Variants in RADIL observed in about 807,000 individuals in gnomAD.
RADIL encodes Rap associating with DIL domain.
RADIL carries 99 observed loss-of-function variants against 97.6 expected under a neutral mutation model. That is an observed-to-expected ratio of 1.01 (90% CI 0.86 to 1.20). The LOEUF (loss-of-function observed/expected upper bound fraction) is 1.20, where lower values mean the gene tolerates loss of function less well. RADIL is among the 50% of genes most tolerant of loss of function. The probability of loss-of-function intolerance (pLI) is 0.00; values close to 1 mark genes in which losing one functional copy is unlikely to be tolerated. For missense variants in RADIL, 1,765 were observed against 1,498.9 expected (o/e 1.18, Z -2.93); for synonymous variants, 803 against 691.8 (o/e 1.16, Z -2.52).
At chr7:4,852,211 G>A (rs1364823609) in intron 2 of RADIL, among the ~76,000 whole-genome samples, 1 of 152,282 alleles carries the variant, frequency 6.6e-6, no homozygotes, top group Middle Eastern at 3.4e-3. Flanking sequence ...GAAGGGGGTG[G>A]CTACAGACAG....
chr7:4,843,265 G>A (rs190496570), intron 2 of RADIL, among the ~76,000 whole-genome samples: 2,256 of 151,500 alleles, frequency 0.015, 31 homozygotes, highest in South Asian at 0.025. Flanking sequence ...CGCCTGCCTC[G>A]GCCTGCCAAA....
chr7:4,873,331 G>A lies in RADIL; in HGVS notation c.535+4274C>T, dbSNP rs945350293. Among the ~76,000 whole-genome samples, 2 of 152,156 alleles carry A rather than the reference G, an allele frequency of 1.3e-5. No individual in the cohort carries two copies. Among genetic ancestry groups the A allele is most frequent in the African/African-American group, 2.4e-5 (1 of 41,432 alleles). ...TGGACTCGTTAACACAAACGTACAT[G>A]GTCACACATGCATGCACACACATGC... On this transcript the variant is annotated intron_variant, in intron 2 of 14. Transcript: ENST00000399583. This position sits in a 1 kb window ranked among gnomAD's most constrained non-coding sequence, Gnocchi z 4.3.
rs569021080 is a variant in RADIL at position 4,798,090 on chromosome 7, TTATA to T, written c.*1284_*1287del. 1 of 147,954 alleles carries T rather than the reference TTATA, an allele frequency of 6.8e-6. No homozygotes were observed. The highest frequency in any genetic ancestry group is 1.9e-4 in the East Asian group (1 of 5,158). The allele number at this position is 147,954 out of a possible 1,614,324, so 9.2% of individuals were successfully genotyped here. ...AATATATTCATATATAATTATATAT[TTATA>T]TATATTCATATATTTTACATATCTT... On this transcript the variant is annotated 3_prime_UTR_variant, in exon 15 of 15. Coordinates refer to ENST00000399583, the MANE Select transcript of RADIL (RefSeq NM_018059.5).
At chr7:4,841,726 A>G (rs531180893) in intron 2 of RADIL, among the ~76,000 whole-genome samples, 15 of 152,118 alleles carry the variant, frequency 9.9e-5, no homozygotes, top group Non-Finnish European at 7.4e-5. Context: ...CTGCTAATAC[A>G]TGGGGTCCCA....
Position 4,815,298 on chromosome 7 carries a change from G to A in RADIL, c.2119C>T (p.Pro707Ser). Residue 707 changes from proline to serine, a missense_variant, in exon 9 of 15, where the codon CCC becomes TCC. Pro to Ser is a moderately conservative substitution (Grantham distance 74). Coordinates refer to ENST00000399583, the MANE Select transcript of RADIL (RefSeq NM_018059.5). The surrounding 1 kb of genome is among the most constrained non-coding windows in gnomAD (Gnocchi z 8.0). ...CCTACCTGGATGAGCTGGGCCCTGGGTGTGGCCAGCAGGTTGAGGGTGCAG... is the reference window on the plus strand; with the variant it reads ...CCTACCTGGATGAGCTGGGCCCTGGATGTGGCCAGCAGGTTGAGGGTGCAG... ...LSCTLNLLAT[P>S]RAQLIQMSWT... The A allele has an allele frequency of 6.4e-7, 1 of 1,562,424 alleles. No homozygotes were observed. Among genetic ancestry groups the A allele is most frequent in the South Asian group, 1.2e-5 (1 of 84,798 alleles).
At position 4,861,195 on chromosome 7, in the gene RADIL, G is replaced by A. The variant is rs780392920; in HGVS notation, c.535+16410C>T. ...AGATGTAAAATTTCATCGGTTACCCGGCAACCATTAAGGCTTCTTATGCAT... is the reference window on the plus strand; with the variant it reads ...AGATGTAAAATTTCATCGGTTACCCAGCAACCATTAAGGCTTCTTATGCAT... On this transcript the variant is annotated intron_variant, in intron 2 of 14. Coordinates refer to ENST00000399583, the MANE Select transcript of RADIL (RefSeq NM_018059.5). 9.9e-6 allele frequency: 16 copies of A among 1,614,044 alleles called. No individual in the cohort carries two copies. The highest frequency in any genetic ancestry group is 2.7e-5 in the African/African-American group (2 of 74,914).
In RADIL at chr7:4,835,642, C is replaced by A. The variant is rs111327510; in HGVS notation, c.784-403G>T. ...GAGCACCACCCCCAGTGTGGGAGCA[C>A]TGCCGCCTGTGTGAGAGCACTGCCC... On this transcript the variant is annotated intron_variant, in intron 3 of 14. Transcript: ENST00000399583. The surrounding 1 kb of genome is among the most constrained non-coding windows in gnomAD (Gnocchi z 5.8). Among the ~76,000 whole-genome samples, 22 of 152,230 alleles carry A rather than the reference C, an allele frequency of 1.4e-4. No homozygotes were observed. The highest frequency in any genetic ancestry group is 5.3e-4 in the African/African-American group (22 of 41,568).
At position 4,798,002 on chromosome 7, in the gene RADIL, A is replaced by C. The variant is rs535349567; in HGVS notation, c.*1376T>G. 6.8e-6 allele frequency: 1 copy of C among 146,626 alleles called. No homozygotes were observed. Among genetic ancestry groups the C allele is most frequent in the Non-Finnish European group, 1.5e-5 (1 of 67,378 alleles). The allele number at this position is 146,626 out of a possible 1,614,324, so 9.1% of individuals were successfully genotyped here. On this transcript the variant is annotated 3_prime_UTR_variant, in exon 15 of 15. Coordinates refer to ENST00000399583, the MANE Select transcript of RADIL (RefSeq NM_018059.5). ...AAAAAAAATTAAATATTTATATTTTATATAATAAAATATAAAAAATGTTTA... is the reference window on the plus strand; with the variant it reads ...AAAAAAAATTAAATATTTATATTTTCTATAATAAAATATAAAAAATGTTTA...
Position 4,878,037 on chromosome 7 carries a change from T to C in RADIL, c.103A>G (p.Lys35Glu), listed in dbSNP as rs753994836. The change falls in exon 2 of 15, where the codon AAG becomes GAG. Residue 35 changes from lysine to glutamate, a missense_variant. Coordinates refer to ENST00000399583, the MANE Select transcript of RADIL (RefSeq NM_018059.5). The surrounding 1 kb of genome is among the most constrained non-coding windows in gnomAD (Gnocchi z 4.1). ...AAGGTGGAGTCCAGGTCCCGGTACT[T>C]GTAGCTCAGCGTCCGGGACAGCATG... ...SSMLSRTLSY[K>E]YRDLDSTFSS... The C allele has an allele frequency of 3.5e-5, 56 of 1,608,176 alleles. No homozygotes were observed. The highest frequency in any genetic ancestry group is 4.6e-5 in the Non-Finnish European group (54 of 1,178,324).
At chr7:4,847,096 G>A (rs980290964) in intron 2 of RADIL, among the ~76,000 whole-genome samples, 1 of 151,990 alleles carries the variant, frequency 6.6e-6, no homozygotes, top group Non-Finnish European at 1.5e-5. Context: ...CAAGGTGGGT[G>A]GATCACTTGA....
At position 4,878,077 on chromosome 7, in the gene RADIL, G is replaced by A. The variant is rs370320603; in HGVS notation, c.63C>T (p.Ser21=). The A allele has an allele frequency of 8.0e-5, 127 of 1,596,140 alleles. 2 individuals are homozygous for A. Among genetic ancestry groups the A allele is most frequent in the Non-Finnish European group, 3.6e-5 (42 of 1,172,378 alleles). The change falls in exon 2 of 15, where the codon AGC becomes AGT. Residue 21 remains serine (S), a synonymous_variant. Coordinates refer to ENST00000399583, the MANE Select transcript of RADIL (RefSeq NM_018059.5). The surrounding 1 kb of genome is among the most constrained non-coding windows in gnomAD (Gnocchi z 4.1). ...PPTKSKLKRQ[S]QLLSSMLSRT... ...GGGACAGCATGCTGGACAACAGCTG[G>A]CTCTGCCGCTTCAGTTTGCTCTTGG...
intron 9 of RADIL, chr7:4,809,377 G>A (rs1298856832): frequency 1.0e-6 from 1 of 985,226 alleles, no homozygotes; most frequent in East Asian, 1.1e-4. Flanking sequence ...CCGGCTGAGC[G>A]GGGGGAGGCG....
At chr7:4,812,987 C>T (rs1273914298) in intron 9 of RADIL, among the ~76,000 whole-genome samples, 3 of 152,094 alleles carry the variant, frequency 2.0e-5, no homozygotes, top group Admixed American at 1.3e-4. Flanking sequence ...TTCATTGTTG[C>T]CAATGAACTT....
intron 2 of RADIL, among the ~76,000 whole-genome samples, chr7:4,838,920 G>A (rs1044239057): frequency 1.3e-5 from 2 of 152,232 alleles, no homozygotes; most frequent in Admixed American, 6.5e-5. Flanking sequence ...CAGCCAGCAG[G>A]ACCCGTGCAC....
In RADIL at chr7:4,805,540, C is replaced by G. The variant is rs775914191; in HGVS notation, c.2290+26G>C. 6.0e-5 allele frequency: 94 copies of G among 1,554,566 alleles called. No individual in the cohort carries two copies. The Middle Eastern group carries it at 6.3e-3, about 104-fold the overall frequency. On this transcript the variant is annotated intron_variant, in intron 10 of 14. Transcript: ENST00000399583. Reference sequence around the variant, plus strand: ...CGAGTCTCCCACTGAGTCCCCAGCCCTCTCCTGCCCTGGGGCAGGGCTTAC... The same window carrying G: ...CGAGTCTCCCACTGAGTCCCCAGCCGTCTCCTGCCCTGGGGCAGGGCTTAC...
intron 2 of RADIL, among the ~76,000 whole-genome samples, chr7:4,870,957 A>AT (rs1221297780): frequency 1.3e-5 from 2 of 152,164 alleles, no homozygotes; most frequent in African/African-American, 4.8e-5. Context: ...AAGGTTACTG[A>AT]TTTTTTAAGT....
At chr7:4,823,334 T>A (rs925647471) in intron 5 of RADIL, among the ~76,000 whole-genome samples, 9 of 138,506 alleles carry the variant, frequency 6.5e-5, no homozygotes, top group Admixed American at 1.4e-4. Context: ...TAAAAACCTT[T>A]TTTTTTTTTT....
At chr7:4,855,697 T>G (rs755936094) in intron 2 of RADIL, among the ~76,000 whole-genome samples, 7 of 151,752 alleles carry the variant, frequency 4.6e-5, no homozygotes, top group Non-Finnish European at 1.0e-4. Flanking sequence ...CTACTGAGAT[T>G]GGGCATCTTT....
chr7:4,836,476 G>T lies in RADIL; in HGVS notation c.665C>A (p.Pro222Gln). The T allele has an allele frequency of 6.2e-7, 1 of 1,606,978 alleles. No homozygotes were observed. The change falls in exon 3 of 15, where the codon CCA becomes CAA. Residue 222 changes from proline (P) to glutamine (Q), a missense_variant. Coordinates refer to ENST00000399583, the MANE Select transcript of RADIL (RefSeq NM_018059.5). ...GGCGGCAGCGGGCAGGGCGTTCACT[G>T]GGCTCAGGCTGGTCTCACTGACTGT... is the stretch of plus-strand genomic sequence containing the variant. ...RRTVSETSLS[P>Q]VNALPAAAQG...
Sources: gnomAD v4.1 joint callset for allele counts (sites outside exome capture counted in the v4.1 genomes callset) on GRCh38, gnomAD v4.1.1 for gene constraint, Gnocchi (gnomAD v3.1) non-coding constraint, MANE v1.5 for transcripts, NCBI Gene and HGNC (gene_info 2026-07-23, HGNC 2026-07-21) for gene names.